Variants in TIMP3 observed in about 807,000 individuals in gnomAD.
The protein encoded by TIMP3 is metalloproteinase inhibitor 3.
TIMP3 carries 11 observed loss-of-function variants against 30.0 expected under a neutral mutation model. The observed-to-expected ratio is 0.37, with a 90% CI of 0.23 to 0.61. The LOEUF (loss-of-function observed/expected upper bound fraction) is 0.61, where lower values mean the gene tolerates loss of function less well. TIMP3 is among the 20% of genes least tolerant of loss of function. The pLI is 0.70. For synonymous variants in TIMP3, 112 were observed against 111.3 expected (o/e 1.01, Z -0.04); for missense variants, 181 against 276.8 (o/e 0.65, Z 2.45).
Position 32,814,299 on chromosome 22 carries a change from AGG to A in TIMP3, c.121+12178_121+12179del, listed in dbSNP as rs2047013430. On this transcript the variant is annotated intron_variant, in intron 1 of 4. Transcript: ENST00000266085. ...AGAGAGGGAGAGAGGGAAGGAAGGA[AGG>A]AGAGAGAGAGAGAGACAGAAAGAAA... 3.9e-4 allele frequency among the ~76,000 whole-genome samples: 3 copies of A among 7,684 alleles called. No homozygotes were observed. In the Admixed American group the frequency reaches 4.5e-3, roughly 11 times the overall value. The allele number at this position is 7,684 out of a possible 152,430, so 5.0% of individuals were successfully genotyped here.
At chr22:32,802,297 G>A (rs1458627164) in intron 1 of TIMP3, among the ~76,000 whole-genome samples, 175 bp downstream of exon 1, 1 of 152,114 alleles carries the variant, frequency 6.6e-6, no homozygotes, top group Non-Finnish European at 1.5e-5. Flanking sequence ...ATAGCTGAGA[G>A]GGGAAGATGC....
chr22:32,815,047 T>C lies in TIMP3; in HGVS notation c.121+12925T>C, dbSNP rs559855504. Among the ~76,000 whole-genome samples the C allele has an allele frequency of 6.3e-4, 96 of 152,382 alleles. 1 individual carries two copies. Among genetic ancestry groups the C allele is most frequent in the African/African-American group, 2.3e-3 (94 of 41,592 alleles). On this transcript the variant is annotated intron_variant, in intron 1 of 4. Transcript: ENST00000266085. ...CATTATGTATTTTACACTCATAGCA[T>C]ATCTCAGTTTGGACTAGTTGCGTTT...
chr22:32,857,982 A>ACAACCTCT (rs762909931), intron 3 of TIMP3, 35 bp from the exon 4 acceptor site: 111 of 1,613,878 alleles, frequency 6.9e-5, no homozygotes, highest in Non-Finnish European at 8.1e-5. Context: ...TCTGGACAAA[A>ACAACCTCT]CAACCTCTCC....
chr22:32,853,837 C>T (rs1170268480), intron 2 of TIMP3, among the ~76,000 whole-genome samples: 1 of 152,162 alleles, frequency 6.6e-6, no homozygotes, highest in Non-Finnish European at 1.5e-5. Flanking sequence ...GTGCTTTGAC[C>T]CATTTTACAG....
chr22:32,852,467 G>A (rs2048247907), intron 2 of TIMP3, among the ~76,000 whole-genome samples: 1 of 152,192 alleles, frequency 6.6e-6, no homozygotes, highest in African/African-American at 2.4e-5. Flanking sequence ...AGAGAGGCCA[G>A]AGAGGCAAGC....
intron 1 of TIMP3, among the ~76,000 whole-genome samples, chr22:32,843,080 C>T (rs901091440): frequency 7.2e-5 from 11 of 152,022 alleles, no homozygotes; most frequent in Non-Finnish European, 1.3e-4. Flanking sequence ...GGGGACCTCC[C>T]ATTTTTTTTT....
At position 32,847,223 on chromosome 22, in the gene TIMP3, C is replaced by T. The variant is rs139576733; in HGVS notation, c.122-2229C>T. Among the ~76,000 whole-genome samples, 7 of 152,294 alleles carry T rather than the reference C, an allele frequency of 4.6e-5. No homozygotes were observed. The East Asian group carries it at 1.4e-3, about 29-fold the overall frequency. On this transcript the variant is annotated intron_variant, in intron 1 of 4. Coordinates refer to ENST00000266085, the MANE Select transcript of TIMP3 (RefSeq NM_000362.5). ...ACGGAGGTGAAGCTGTTATAACCTGCCTGTGAGAGTTAATATGGAGGAAAC... is the reference window on the plus strand; with the variant it reads ...ACGGAGGTGAAGCTGTTATAACCTGTCTGTGAGAGTTAATATGGAGGAAAC...
intron 1 of TIMP3, among the ~76,000 whole-genome samples, chr22:32,818,966 C>T (rs568052820): frequency 2.0e-5 from 3 of 152,332 alleles, no homozygotes; most frequent in African/African-American, 7.2e-5. Flanking sequence ...GCATAATTTC[C>T]TATTTCCTGC....
chr22:32,833,649 G>A (rs1421897860), intron 1 of TIMP3, among the ~76,000 whole-genome samples: 1 of 152,228 alleles, frequency 6.6e-6, no homozygotes, highest in African/African-American at 2.4e-5. Flanking sequence ...GTAGGACCCA[G>A]AGATGAGAAG....
intron 1 of TIMP3, among the ~76,000 whole-genome samples, chr22:32,846,539 G>C (rs1051873408): frequency 1.2e-4 from 19 of 152,114 alleles, no homozygotes; most frequent in Admixed American, 1.1e-3. Flanking sequence ...ATATTAATAC[G>C]ACCCTCACAG....
chr22:32,833,294 T>C (rs201827724), intron 1 of TIMP3, among the ~76,000 whole-genome samples: 2 of 152,208 alleles, frequency 1.3e-5, no homozygotes, highest in East Asian at 3.9e-4. Flanking sequence ...TCCTAATCTA[T>C]GAAAATATTT....
chr22:32,847,695 G>T (rs1406559636), intron 1 of TIMP3, among the ~76,000 whole-genome samples: 13 of 152,230 alleles, frequency 8.5e-5, no homozygotes, highest in Non-Finnish European at 1.9e-4. Flanking sequence ...AAATGTGTGT[G>T]TGTGTGTTTG....
chr22:32,805,041 G>T (rs1026020791), intron 1 of TIMP3, among the ~76,000 whole-genome samples: 1 of 151,998 alleles, frequency 6.6e-6, no homozygotes, highest in East Asian at 1.9e-4. Context: ...GTGTGTGTGT[G>T]CGCGTGTGTG....
intron 1 of TIMP3, among the ~76,000 whole-genome samples, chr22:32,805,249 C>T (rs886667364): frequency 6.6e-6 from 1 of 152,176 alleles, no homozygotes; most frequent in African/African-American, 2.4e-5. Context: ...GGGGGGCCGG[C>T]TGCCAGCCCC....
intron 1 of TIMP3, among the ~76,000 whole-genome samples, chr22:32,820,601 T>G: frequency 6.6e-6 from 1 of 152,186 alleles, no homozygotes; most frequent in Non-Finnish European, 1.5e-5. Context: ...AGTTGGCACA[T>G]CTTGCTTCTG....
At chr22:32,812,312 G>C (rs1485932725) in intron 1 of TIMP3, among the ~76,000 whole-genome samples, 1 of 152,200 alleles carries the variant, frequency 6.6e-6, no homozygotes, top group Non-Finnish European at 1.5e-5. Flanking sequence ...CAGGATTTCT[G>C]TGGTTGCAAA....
rs150339154 is a variant in TIMP3 at position 32,827,850 on chromosome 22, C to T, written c.122-21602C>T. Among the ~76,000 whole-genome samples, 27 of 152,258 alleles carry T rather than the reference C, an allele frequency of 1.8e-4. No homozygotes were observed. In the East Asian group the frequency reaches 5.2e-3, roughly 29 times the overall value. On this transcript the variant is annotated intron_variant, in intron 1 of 4. Coordinates refer to ENST00000266085, the MANE Select transcript of TIMP3 (RefSeq NM_000362.5). ...CACTGTCTCTTTTGAACTTGCTGTCCTCTCTTCCAGGAACACCTCATCCCC... is the reference window on the plus strand; with the variant it reads ...CACTGTCTCTTTTGAACTTGCTGTCTTCTCTTCCAGGAACACCTCATCCCC...
intron 1 of TIMP3, among the ~76,000 whole-genome samples, chr22:32,840,499 C>T (rs568310583): frequency 3.3e-5 from 5 of 152,220 alleles, no homozygotes; most frequent in African/African-American, 9.6e-5. Flanking sequence ...TCGCCGCTCC[C>T]CACCCCCAGC....
chr22:32,838,680 C>T (rs561156779), intron 1 of TIMP3, among the ~76,000 whole-genome samples: 1 of 152,146 alleles, frequency 6.6e-6, no homozygotes, highest in Admixed American at 6.5e-5. Context: ...TTTTACTTGT[C>T]CCTTCCTTTT....
Sources: allele counts gnomAD v4.1 joint callset (sites outside exome capture counted in the v4.1 genomes callset), GRCh38; gene constraint gnomAD v4.1.1; transcripts MANE v1.5; gene names NCBI Gene and HGNC (gene_info 2026-07-23, HGNC 2026-07-21).